RFX7: variants seen among roughly 807,000 people sequenced by gnomAD.
RFX7 encodes the protein regulatory factor X7.
RFX7 carries 26 observed loss-of-function variants against 111.8 expected under a neutral mutation model. The ratio of observed to expected loss-of-function variants is 0.23; its 90% CI spans 0.17 to 0.32. The LOEUF (loss-of-function observed/expected upper bound fraction) is 0.32. Among genes scored for constraint, RFX7 ranks in the 10% least tolerant of loss-of-function variants. The probability of loss-of-function intolerance (pLI) is 1.00; values close to 1 mark genes in which losing one functional copy is unlikely to be tolerated. For synonymous variants in RFX7, 624 were observed against 624.4 expected (o/e 1.00, Z 0.01); for missense variants, 1,573 against 1,772.9 (o/e 0.89, Z 2.02).
intron 2 of RFX7, among the ~76,000 whole-genome samples, chr15:56,199,152 T>C (rs2043171195): frequency 6.6e-6 from 1 of 152,132 alleles, no homozygotes; most frequent in Non-Finnish European, 1.5e-5. Flanking sequence ...AACTTAAAAT[T>C]TACAAGAGAA....
intron 2 of RFX7, among the ~76,000 whole-genome samples, chr15:56,183,482 C>T (rs2042999634): frequency 6.6e-6 from 1 of 151,948 alleles, no homozygotes; most frequent in African/African-American, 2.4e-5. Flanking sequence ...ATACTACTTC[C>T]ATCTGGGAGC....
At chr15:56,133,594 A>G (rs1595951823) in intron 5 of RFX7, among the ~76,000 whole-genome samples, 1 of 152,092 alleles carries the variant, frequency 6.6e-6, no homozygotes, top group African/African-American at 2.4e-5. Context: ...AAACAGGATA[A>G]TGAGTGCCTA....
At chr15:56,241,280 A>T (rs1322359837) in intron 2 of RFX7, among the ~76,000 whole-genome samples, 1 of 151,590 alleles carries the variant, frequency 6.6e-6, no homozygotes, top group African/African-American at 2.4e-5. Context: ...GTGCCAATAT[A>T]AAAAAAAATT....
intron 2 of RFX7, among the ~76,000 whole-genome samples, chr15:56,222,917 T>C (rs1227309642): frequency 6.6e-6 from 1 of 152,162 alleles, no homozygotes; most frequent in African/African-American, 2.4e-5. Flanking sequence ...TCTTTTAAAG[T>C]ATGTTTTGTT....
chr15:56,152,670 A>G (rs2042589463), intron 3 of RFX7, among the ~76,000 whole-genome samples: 1 of 152,164 alleles, frequency 6.6e-6, no homozygotes, highest in South Asian at 2.1e-4. Flanking sequence ...AACAAATTCA[A>G]AAACTAGCAG....
intron 2 of RFX7, among the ~76,000 whole-genome samples, chr15:56,207,665 G>C (rs1240812322): frequency 6.6e-6 from 1 of 152,046 alleles, no homozygotes; most frequent in Non-Finnish European, 1.5e-5. Context: ...CTGATAAATT[G>C]GACTTGTGCT....
intron 2 of RFX7, among the ~76,000 whole-genome samples, chr15:56,229,182 C>T (rs2043519955): frequency 6.6e-6 from 1 of 152,166 alleles, no homozygotes; most frequent in African/African-American, 2.4e-5. Context: ...GTAACTGAAA[C>T]TTCAGAAAGT....
At position 56,147,128 on chromosome 15, in the gene RFX7, A is replaced by G. The variant is rs1466764047; in HGVS notation, c.196-2645T>C. 3.9e-5 allele frequency among the ~76,000 whole-genome samples: 6 copies of G among 152,376 alleles called. No individual in the cohort carries two copies. In the South Asian group the frequency reaches 1.2e-3, roughly 32 times the overall value. The stretch of plus-strand genomic sequence containing the variant: ...ATTAAAAGTTTTCTGTTCTATGTTG[A>G]AATTCGTTGGTGGTCAAAAAAAATT... On this transcript the variant is annotated intron_variant, in intron 3 of 9. Coordinates refer to ENST00000559447, the MANE Select transcript of RFX7 (RefSeq NM_022841.7).
At chr15:56,213,905 A>T (rs1218003143) in intron 2 of RFX7, among the ~76,000 whole-genome samples, 1 of 152,208 alleles carries the variant, frequency 6.6e-6, no homozygotes, top group Non-Finnish European at 1.5e-5. Flanking sequence ...TTTCTTTTAC[A>T]ATCTTTGTCA....
At chr15:56,143,035 T>C (rs1411763743) in intron 4 of RFX7, 135 bp from the exon 5 acceptor site, 3 of 891,740 alleles carry the variant, frequency 3.4e-6, no homozygotes, top group Non-Finnish European at 3.4e-6. Context: ...GGACATCTAG[T>C]AGATAATTGT....
At chr15:56,202,765 T>C (rs1372725387) in intron 2 of RFX7, among the ~76,000 whole-genome samples, 1 of 152,212 alleles carries the variant, frequency 6.6e-6, no homozygotes, top group Non-Finnish European at 1.5e-5. Context: ...TGAGCTATCA[T>C]TGTGCCACTG....
intron 2 of RFX7, among the ~76,000 whole-genome samples, chr15:56,220,665 T>C (rs1223163611): frequency 6.6e-6 from 1 of 152,262 alleles, no homozygotes; most frequent in Non-Finnish European, 1.5e-5. Flanking sequence ...TTTCTTCTGC[T>C]GTGCAGAAGT....
chr15:56,093,697 A>G lies in RFX7; in HGVS notation c.4031T>C (p.Leu1344Ser). ...QAQSEIGEQQ[L>S]DFNSTVKDLL... The stretch of plus-strand genomic sequence containing the variant: ...GTCTTTAACAGTGCTATTGAAATCT[A>G]ATTGTTGCTCTCCAATTTCTGATTG... The change falls in exon 10 of 10, where the codon TTA becomes TCA. Residue 1344 changes from leucine to serine, a missense_variant. By Grantham distance (145) the Leu-to-Ser change is moderately radical. Coordinates refer to ENST00000559447, the MANE Select transcript of RFX7 (RefSeq NM_022841.7). The G allele has an allele frequency of 6.2e-7, 1 of 1,613,756 alleles. No homozygotes were observed. Among genetic ancestry groups the G allele is most frequent in the Non-Finnish European group, 8.5e-7 (1 of 1,179,720 alleles).
chr15:56,197,802 G>A (rs1444286169), intron 2 of RFX7, among the ~76,000 whole-genome samples: 1 of 152,096 alleles, frequency 6.6e-6, no homozygotes, highest in Non-Finnish European at 1.5e-5. Flanking sequence ...CAGATTCAAG[G>A]GGTGGACTGC....
At chr15:56,199,790 G>A (rs1265529064) in intron 2 of RFX7, among the ~76,000 whole-genome samples, 1 of 151,750 alleles carries the variant, frequency 6.6e-6, no homozygotes, top group East Asian at 1.9e-4. Flanking sequence ...ACTACATCTC[G>A]AGTTTTTAAA....
rs760405533 is a variant in RFX7 at position 56,098,325 on chromosome 15, T to C, written c.863A>G (p.Asn288Ser). The C allele has an allele frequency of 6.2e-7, 1 of 1,612,634 alleles. No homozygotes were observed. Among genetic ancestry groups the C allele is most frequent in the Non-Finnish European group, 8.5e-7 (1 of 1,179,106 alleles). Residue 288 changes from asparagine to serine, a missense_variant, in exon 9 of 10, where the codon AAT becomes AGT. Asn to Ser is a conservative substitution (Grantham distance 46). Transcript: ENST00000559447. ...AGTCTTCACCTGAGGCTGAAAGGAA[T>C]TACTTTCAGCTGTAGGTATAAAAGC... is the stretch of plus-strand genomic sequence containing the variant. ...PSAFIPTAES[N>S]SFQPQVKTLP...
chr15:56,229,948 T>G (rs2141228627), intron 2 of RFX7, among the ~76,000 whole-genome samples: 1 of 152,220 alleles, frequency 6.6e-6, no homozygotes, highest in African/African-American at 2.4e-5. Flanking sequence ...TTAGTCCTAT[T>G]TCTTCCATAC....
In RFX7 at chr15:56,087,495, GGAA is replaced by G. The variant is rs1234209213; in HGVS notation, c.*5847_*5849del. Reference sequence around the variant, plus strand: ...ACATTTGCATTCCAGCCAGCAGAGAGGAAGGACAAGAACACTGCAAAGAAGTAG... The same window carrying G: ...ACATTTGCATTCCAGCCAGCAGAGAGGGACAAGAACACTGCAAAGAAGTAG... On this transcript the variant is annotated 3_prime_UTR_variant, in exon 10 of 10. Transcript: ENST00000559447. 1 of 456,584 alleles carries G rather than the reference GGAA, an allele frequency of 2.2e-6. No individual in the cohort carries two copies. Among genetic ancestry groups the G allele is most frequent in the African/African-American group, 2.0e-5 (1 of 50,066 alleles). 28.3% of individuals were successfully genotyped at this position (456,584 alleles called of 1,614,324 possible). A position where few individuals can be genotyped will look rare whatever the true frequency, so the allele number is the denominator to read the frequency against.
rs540750108 is a variant in RFX7 at position 56,197,228 on chromosome 15, T to C, written c.162-17925A>G. Among the ~76,000 whole-genome samples the C allele has an allele frequency of 6.6e-5, 10 of 152,314 alleles. No individual in the cohort carries two copies. In the South Asian group the frequency reaches 2.1e-3, roughly 32 times the overall value. On this transcript the variant is annotated intron_variant, in intron 2 of 9. Transcript: ENST00000559447. ...TTTTTCTGCATGGTGGTTTTTATTA[T>C]TTTATTTACTAATAGAAGCTCTTTT... is the stretch of plus-strand genomic sequence containing the variant.
Sources: gnomAD v4.1 joint callset for allele counts (sites outside exome capture counted in the v4.1 genomes callset) on GRCh38, gnomAD v4.1.1 for gene constraint, MANE v1.5 for transcripts, NCBI Gene and HGNC (gene_info 2026-07-23, HGNC 2026-07-21) for gene names.